The following ATP12A variants were observed in gnomAD, a reference collection of about 807,000 sequenced individuals.
ATP12A encodes the protein ATPase H+/K+ transporting non-gastric alpha2 subunit, also known as potassium-transporting ATPase alpha chain 2.
ATP12A carries 81 observed loss-of-function variants against 111.2 expected under a neutral mutation model. That is an observed-to-expected ratio of 0.73 (90% CI 0.61 to 0.88). The LOEUF (loss-of-function observed/expected upper bound fraction) is 0.88, where lower values mean the gene tolerates loss of function less well. Among genes scored for constraint, ATP12A ranks in the 40% least tolerant of loss-of-function variants. ATP12A has a pLI of 0.00. For missense variants in ATP12A, 1,196 were observed against 1,313.1 expected (o/e 0.91, Z 1.38); for synonymous variants, 498 against 499.8 (o/e 1.00, Z 0.05).
At chr13:24,680,938 G>C (rs984368851) in intron 1 of ATP12A, among the ~76,000 whole-genome samples, 186 bp downstream of exon 1, 1 of 152,242 alleles carries the variant, frequency 6.6e-6, no homozygotes, top group Non-Finnish European at 1.5e-5. Context: ...TCCCCGCCAC[G>C]GCTCCGTGCG....
Position 24,710,854 on chromosome 13 carries a change from G to A in ATP12A, c.2960G>A (p.Gly987Asp), listed in dbSNP as rs765775933. 1 of 1,614,180 alleles carries A rather than the reference G, an allele frequency of 6.2e-7. No individual in the cohort carries two copies. Among genetic ancestry groups the A allele is most frequent in the Non-Finnish European group, 8.5e-7 (1 of 1,180,036 alleles). The stretch of plus-strand genomic sequence containing the variant: ...ATCATTGGTCTGATCCTCTCCTATG[G>A]CCTCGGAAGTGTCACAGCCTTGAGT... Reference protein sequence around the residue: ...QIIIGLILSYGLGSVTALSFT... With the variant: ...QIIIGLILSYDLGSVTALSFT... Residue 987 changes from glycine to aspartate, a missense_variant, in exon 21 of 23, where the codon GGC becomes GAC. Transcript: ENST00000381946.
chr13:24,691,211 T>C lies in ATP12A; in HGVS notation c.1029T>C (p.Ile343=), dbSNP rs1402692787. 1.2e-6 allele frequency: 2 copies of C among 1,613,950 alleles called. No individual in the cohort carries two copies. The highest frequency in any genetic ancestry group is 4.5e-5 in the East Asian group (2 of 44,884). The change falls in exon 8 of 23, where the codon ATT becomes ATC. Residue 343 remains isoleucine (I), a synonymous_variant. Transcript: ENST00000381946. ...CCATCATCTTCCTCATTGGCATCATTGTGGCCAATGTGCCCGAGGGCCTCC... is the reference window on the plus strand; with the variant it reads ...CCATCATCTTCCTCATTGGCATCATCGTGGCCAATGTGCCCGAGGGCCTCC... ...LDSIIFLIGI[I]VANVPEGLLA...
At chr13:24,695,088 G>A (rs1408694309) in intron 11 of ATP12A, among the ~76,000 whole-genome samples, 7 of 152,212 alleles carry the variant, frequency 4.6e-5, no homozygotes, top group African/African-American at 1.4e-4. Flanking sequence ...AGAGGAGGAA[G>A]CAGGCCCTTA....
At chr13:24,707,985 CA>C (rs67478305) in intron 17 of ATP12A, among the ~76,000 whole-genome samples, 10,616 of 143,088 alleles carry the variant, frequency 0.074, 389 homozygotes, top group South Asian at 0.14. Flanking sequence ...TCTTCATCCT[CA>C]AAAAAAAAAA....
intron 14 of ATP12A, 91 bp from the exon 15 acceptor site, chr13:24,706,222 C>T (rs1437312956): frequency 1.3e-6 from 2 of 1,525,002 alleles, no homozygotes. Flanking sequence ...CAGGTCAAGT[C>T]AGAGAGGCTT....
intron 12 of ATP12A, among the ~76,000 whole-genome samples, chr13:24,699,283 T>C (rs1418690389): frequency 6.6e-6 from 1 of 152,000 alleles, no homozygotes; most frequent in African/African-American, 2.4e-5. Flanking sequence ...AACATCTGGG[T>C]GAGGAGCCAG....
Position 24,707,047 on chromosome 13 carries a change from G to T in ATP12A, c.2194G>T (p.Asp732Tyr). ...GGATGCTGTTGTTGCTGTGACCGGG[G>T]ATGGAGTTAATGACTCTCCGGCTCT... ...RQDAVVAVTG[D>Y]GVNDSPALKK... is the part of the protein sequence containing the mutation. The change falls in exon 16 of 23, where the codon GAT becomes TAT. Residue 732 changes from aspartate to tyrosine, a missense_variant. By Grantham distance (160) the Asp-to-Tyr change is radical. Transcript: ENST00000381946. 6.2e-7 allele frequency: 1 copy of T among 1,611,088 alleles called. No individual in the cohort carries two copies. The highest frequency in any genetic ancestry group is 8.5e-7 in the Non-Finnish European group (1 of 1,178,294).
intron 2 of ATP12A, among the ~76,000 whole-genome samples, chr13:24,683,638 T>C (rs1241085409): frequency 6.6e-6 from 1 of 152,200 alleles, no homozygotes; most frequent in Non-Finnish European, 1.5e-5. Context: ...AACGCTTCCC[T>C]GAAACTGGAC....
rs779647906 is a variant in ATP12A, at chr13:24,688,352, GC to G, written c.265del (p.Arg89GlyfsTer54). On this transcript the variant is annotated frameshift_variant, in exon 4 of 23. Coordinates refer to ENST00000381946, the MANE Select transcript of ATP12A (RefSeq NM_001676.7). LOFTEE classifies it high-confidence loss of function. ...CAGCACCAGAGCTGCCGAGCTCCTG[GC>G]CCGGGATGGGCCCAACTCCCTCACC... ...LSSTRAAELLARDGPNSLTPP... is the reference protein window; with the variant it reads ...LSSTRAAELLXRDGPNSLTPP... 2 of 1,613,772 alleles carry G rather than the reference GC, an allele frequency of 1.2e-6. No individual in the cohort carries two copies. Among genetic ancestry groups the G allele is most frequent in the Admixed American group, 3.3e-5 (2 of 59,970 alleles).
At chr13:24,694,706 A>C (rs1705605398) in intron 11 of ATP12A, 128 bp downstream of exon 11, 4 of 1,434,884 alleles carry the variant, frequency 2.8e-6, no homozygotes, top group Middle Eastern at 2.5e-4. Flanking sequence ...GGGATACAGC[A>C]CCCAGGCATC....
At position 24,685,518 on chromosome 13, in the gene ATP12A, G is replaced by A; in HGVS notation, c.228+145G>A. On this transcript the variant is annotated intron_variant, in intron 3 of 22. Transcript: ENST00000381946. This position sits in a 1 kb window ranked among gnomAD's most constrained non-coding sequence, Gnocchi z 5.5. ...AGCGCCTTTGAGACTGCAGTTATTTGCATCTGGACACAGTTCAAGTCAACA... is the reference window on the plus strand; with the variant it reads ...AGCGCCTTTGAGACTGCAGTTATTTACATCTGGACACAGTTCAAGTCAACA... 8.0e-6 allele frequency: 6 copies of A among 749,962 alleles called. No individual in the cohort carries two copies. In the Admixed American group the frequency reaches 1.3e-4, roughly 17 times the overall value. The allele number at this position is 749,962 out of a possible 1,614,324, so 46.5% of individuals were successfully genotyped here.
intron 2 of ATP12A, among the ~76,000 whole-genome samples, chr13:24,683,139 G>GT (rs35673368): frequency 0.047 from 7,212 of 152,130 alleles, 221 homozygotes; most frequent in South Asian, 0.12. Flanking sequence ...GTTGTTTTTA[G>GT]TAGAGACGGG....
intron 7 of ATP12A, 119 bp downstream of exon 7, chr13:24,690,840 C>A: frequency 1.4e-6 from 2 of 1,446,074 alleles, no homozygotes; most frequent in Non-Finnish European, 1.9e-6. Flanking sequence ...AAGCATGGAA[C>A]TGAAGGGCCT....
chr13:24,684,215 T>C (rs12867825), intron 2 of ATP12A, among the ~76,000 whole-genome samples: 28,240 of 152,126 alleles, frequency 0.19, 2,720 homozygotes, highest in South Asian at 0.28. Context: ...CTTAATCTTC[T>C]GAATCCCCAG....
chr13:24,699,000 G>A, intron 12 of ATP12A, 150 bp downstream of exon 12: 1 of 1,044,206 alleles, frequency 9.6e-7, no homozygotes, highest in Non-Finnish European at 1.3e-6. Context: ...ACAAGGAGAG[G>A]ATGCTGTGTG....
Position 24,707,066 on chromosome 13 carries a change from C to T in ATP12A, c.2213C>T (p.Pro738Leu), listed in dbSNP as rs376103487. 1.7e-5 allele frequency: 27 copies of T among 1,613,284 alleles called. No individual in the cohort carries two copies. Among genetic ancestry groups the T allele is most frequent in the Admixed American group, 3.3e-5 (2 of 59,930 alleles). ...AVTGDGVNDS[P>L]ALKKADIGIA... is the part of the protein sequence containing the mutation. ...ACCGGGGATGGAGTTAATGACTCTC[C>T]GGCTCTAAAGAAGGCAGACATTGGG... Residue 738 changes from proline (P) to leucine (L), a missense_variant, in exon 16 of 23, where the codon CCG becomes CTG. This residue lies in a region of ATP12A where 1,126 missense variants were observed against 1,228.5 expected (regional missense o/e 0.92). Transcript: ENST00000381946.
rs144052287 is a variant in ATP12A at position 24,710,478 on chromosome 13, T to C, written c.2782T>C (p.Tyr928His). ...TTAACAGACAAGGTACCAGAGGGAA[T>C]ACCTAGAATGGACGGGCTACACGGC... ...GQEWTRYQRE[Y>H]LEWTGYTAFF... Residue 928 changes from tyrosine to histidine, a missense_variant, in exon 20 of 23, where the codon TAC becomes CAC. Tyr to His is a moderately conservative substitution (Grantham distance 83, BLOSUM62 2). Around this residue, in one of 3 missense-constraint regions of ATP12A, gnomAD observed 1,126 missense variants for 1,228.5 expected, o/e 0.92. Coordinates refer to ENST00000381946, the MANE Select transcript of ATP12A (RefSeq NM_001676.7). The C allele has an allele frequency of 3.2e-4, 522 of 1,614,134 alleles. No homozygotes were observed. Among genetic ancestry groups the C allele is most frequent in the Non-Finnish European group, 3.7e-4 (436 of 1,180,016 alleles).
At chr13:24,710,045 C>T (rs3783059) in intron 19 of ATP12A, among the ~76,000 whole-genome samples, 10,946 of 152,164 alleles carry the variant, frequency 0.072, 593 homozygotes, top group South Asian at 0.16. Flanking sequence ...CTTTTTTTAC[C>T]TTAGCTTTGC....
At chr13:24,703,018 C>G (rs1875461578) in intron 14 of ATP12A, among the ~76,000 whole-genome samples, 1 of 152,200 alleles carries the variant, frequency 6.6e-6, no homozygotes, top group Admixed American at 6.5e-5. Context: ...CTTTTAGGGA[C>G]ACACAGCTGT....
Sources: gnomAD v4.1 joint callset for allele counts (sites outside exome capture counted in the v4.1 genomes callset) on GRCh38, gnomAD v4.1.1 for gene constraint, gnomAD v4.1.1 regional missense constraint, Gnocchi (gnomAD v3.1) non-coding constraint, MANE v1.5 for transcripts, NCBI Gene and HGNC (gene_info 2026-07-23, HGNC 2026-07-21) for gene names.